The following HIVEP1 variants were observed in gnomAD, a reference collection of about 807,000 sequenced individuals.
HIVEP1 encodes HIVEP zinc finger 1, also known as zinc finger protein 40.
In HIVEP1, 36 loss-of-function variants were observed where a neutral mutation model predicts 180.0. That is an observed-to-expected ratio of 0.20 (90% confidence interval 0.15 to 0.26). The LOEUF is 0.26. Ranked by LOEUF, HIVEP1 falls within the 10% of genes least tolerant of loss-of-function variation. HIVEP1 has a pLI of 1.00. For missense variants in HIVEP1, 3,143 were observed against 3,268.7 expected, an observed-to-expected ratio of 0.96 and a Z score of 0.94; for synonymous variants, 1,239 against 1,239.0, an observed-to-expected ratio of 1.00 and a Z score of 0.00.
rs200556119 is a variant in HIVEP1, at chr6:12,122,468, G to T, written c.2673G>T (p.Gly891=). 1 of 1,614,092 alleles carries T rather than the reference G, an allele frequency of 6.2e-7. No homozygotes were observed. Among genetic ancestry groups the T allele is most frequent in the Non-Finnish European group, 8.5e-7 (1 of 1,180,030 alleles). The change falls in exon 4 of 9, where the codon GGG becomes GGT. Residue 891 remains glycine (G), a synonymous_variant. Transcript: ENST00000379388. ...CTAACGCTCCTGTGCCCCAGAGTGGGCATCCCCGTACACTTGTGAGACAAG... is the reference window on the plus strand; with the variant it reads ...CTAACGCTCCTGTGCCCCAGAGTGGTCATCCCCGTACACTTGTGAGACAAG... ...SGPNAPVPQS[G]HPRTLVRQAA...
chr6:12,125,461 C>T lies in HIVEP1; in HGVS notation c.5666C>T (p.Thr1889Ile), dbSNP rs768926724. The T allele has an allele frequency of 6.2e-7, 1 of 1,614,084 alleles. No individual in the cohort carries two copies. The highest frequency in any genetic ancestry group is 8.5e-7 in the Non-Finnish European group (1 of 1,180,004). The change falls in exon 4 of 9, where the codon ACA becomes ATA. Residue 1889 changes from threonine (T) to isoleucine (I), a missense_variant. Transcript: ENST00000379388. ...ENTHISPLKCTDNNQERKSPG... is the reference protein window; with the variant it reads ...ENTHISPLKCIDNNQERKSPG... ...ACTCATATTTCTCCTTTGAAATGTACAGACAATAACCAAGAAAGGAAGTCT... is the reference window on the plus strand; with the variant it reads ...ACTCATATTTCTCCTTTGAAATGTATAGACAATAACCAAGAAAGGAAGTCT...
At chr6:12,089,304 ATG>A in intron 3 of HIVEP1, 67 bp downstream of exon 3, 1 of 845,724 alleles carries the variant, frequency 1.2e-6, no homozygotes, top group South Asian at 1.6e-5. Context: ...TACCTCATAA[ATG>A]TAGCCTTATG....
chr6:12,061,282 T>G lies in HIVEP1; in HGVS notation c.41-27902T>G, dbSNP rs555898617. 3.9e-4 allele frequency among the ~76,000 whole-genome samples: 60 copies of G among 152,352 alleles called. 1 individual carries two copies. The South Asian group carries it at 8.3e-3, about 21-fold the overall frequency. ...AAAGAGTTTAAACAATTAAACCAAA[T>G]GTACACCCTGGTTATAAAAAGAGAC... On this transcript the variant is annotated intron_variant, in intron 2 of 8. Coordinates refer to ENST00000379388, the MANE Select transcript of HIVEP1 (RefSeq NM_002114.4).
intron 2 of HIVEP1, among the ~76,000 whole-genome samples, chr6:12,086,203 A>AG (rs2113311120): frequency 6.6e-6 from 1 of 152,282 alleles, no homozygotes; most frequent in African/African-American, 2.4e-5. Context: ...TAAAGATTAC[A>AG]GATCCATTCA....
chr6:12,013,813 T>TA (rs978773253), intron 1 of HIVEP1, among the ~76,000 whole-genome samples: 4 of 91,678 alleles, frequency 4.4e-5, no homozygotes, highest in Non-Finnish European at 7.3e-5. Flanking sequence ...ATGAAATACT[T>TA]AGACCATCAT....
At chr6:12,052,969 G>T (rs1380064112) in intron 2 of HIVEP1, among the ~76,000 whole-genome samples, 1 of 152,096 alleles carries the variant, frequency 6.6e-6, no homozygotes, top group Non-Finnish European at 1.5e-5. Flanking sequence ...GGTTGGGCGG[G>T]GATTCTCATC....
chr6:12,108,762 G>A (rs937592992), intron 3 of HIVEP1, among the ~76,000 whole-genome samples: 3 of 152,054 alleles, frequency 2.0e-5, no homozygotes, highest in Admixed American at 6.5e-5. Flanking sequence ...GTTCCCGCTC[G>A]CGCCTCTCCC....
At chr6:12,037,357 G>A (rs1769348938) in intron 2 of HIVEP1, among the ~76,000 whole-genome samples, 1 of 152,160 alleles carries the variant, frequency 6.6e-6, no homozygotes, top group Admixed American at 6.5e-5. Flanking sequence ...CAAAAGAGAT[G>A]TTTGTCTGTG....
At chr6:12,010,912 T>G (rs1767240573), upstream of HIVEP1, among the ~76,000 whole-genome samples, 1 of 152,068 alleles carries the variant, frequency 6.6e-6, no homozygotes. Context: ...TGGAGCCCGG[T>G]CCGACGACCA....
chr6:12,024,757 C>T (rs1429887705), intron 2 of HIVEP1, among the ~76,000 whole-genome samples: 1 of 152,180 alleles, frequency 6.6e-6, no homozygotes, highest in Admixed American at 6.5e-5. Context: ...GGCTGATACA[C>T]AGGGACTTGG....
rs760114921 is a variant in HIVEP1, at chr6:12,123,683, G to A, written c.3888G>A (p.Ser1296=). Residue 1296 remains serine, a synonymous_variant, in exon 4 of 9, where the codon TCG becomes TCA. Transcript: ENST00000379388. ...AGATAGAACATTCCTCAACAGAATC[G>A]AGCTTTGATTCCACTCTCTCCAGGA... is the stretch of plus-strand genomic sequence containing the variant. The part of the protein sequence containing the change: ...LAEIEHSSTE[S]SFDSTLSRSL... 2.5e-6 allele frequency: 4 copies of A among 1,613,910 alleles called. No individual in the cohort carries two copies. The highest frequency in any genetic ancestry group is 2.2e-5 in the East Asian group (1 of 44,880).
intron 2 of HIVEP1, among the ~76,000 whole-genome samples, chr6:12,073,581 C>T (rs1280226431): frequency 1.3e-5 from 2 of 152,186 alleles, no homozygotes; most frequent in African/African-American, 2.4e-5. Flanking sequence ...AATGTGGCCT[C>T]ACCTCCTTCG....
upstream of HIVEP1, among the ~76,000 whole-genome samples, chr6:12,011,573 TC>T (rs1395447646): frequency 1.5e-5 from 1 of 66,272 alleles, no homozygotes; most frequent in African/African-American, 6.0e-5. Flanking sequence ...ACCCCGCCCC[TC>T]CCCCCCGGGC....
the HIVEP1 span, among the ~76,000 whole-genome samples, chr6:12,184,708 C>T: frequency 3.3e-5 from 5 of 151,768 alleles, no homozygotes; most frequent in Admixed American, 1.3e-4. Flanking sequence ...CAGTTAGAAT[C>T]GAAAAAAATC....
At chr6:12,193,150 A>G in the HIVEP1 span, among the ~76,000 whole-genome samples, 1 of 152,166 alleles carries the variant, frequency 6.6e-6, no homozygotes, top group East Asian at 1.9e-4. Context: ...TTTGCTTAAC[A>G]TATTATTCTT....
chr6:12,086,184 T>C (rs1345854136), intron 2 of HIVEP1, among the ~76,000 whole-genome samples: 1 of 152,182 alleles, frequency 6.6e-6, no homozygotes, highest in South Asian at 2.1e-4. Flanking sequence ...CACTGGCCTT[T>C]CTGGATCTTA....
intron 7 of HIVEP1, among the ~76,000 whole-genome samples, chr6:12,149,222 G>A (rs1011579247): frequency 1.3e-5 from 2 of 152,138 alleles, no homozygotes; most frequent in African/African-American, 4.8e-5. Flanking sequence ...TTATATGTTT[G>A]AGTCTTGATG....
At chr6:12,068,948 G>C (rs1380871884) in intron 2 of HIVEP1, among the ~76,000 whole-genome samples, 1 of 152,038 alleles carries the variant, frequency 6.6e-6, no homozygotes, top group Non-Finnish European at 1.5e-5. Context: ...CCAATTTCTT[G>C]TCACTTTCCC....
chr6:12,020,177 C>G (rs1047670675), intron 2 of HIVEP1: 2 of 392,886 alleles, frequency 5.1e-6, no homozygotes, highest in African/African-American at 4.2e-5. Flanking sequence ...TTGTTGAATT[C>G]AGTCTCTTCA....
Sources: gnomAD v4.1 joint callset for allele counts (sites outside exome capture counted in the v4.1 genomes callset) on GRCh38, gnomAD v4.1.1 for gene constraint, MANE v1.5 for transcripts, NCBI Gene and HGNC (gene_info 2026-07-23, HGNC 2026-07-21) for gene names.